CEBPZ: variants seen among roughly 807,000 people sequenced by gnomAD.
The protein encoded by CEBPZ is CCAAT/enhancer-binding protein zeta.
In CEBPZ, 78 loss-of-function variants were observed where a neutral mutation model predicts 104.5. The observed-to-expected ratio is 0.75, with a 90% CI of 0.62 to 0.90. The LOEUF (loss-of-function observed/expected upper bound fraction) is 0.90. Among genes scored for constraint, CEBPZ ranks in the 40% least tolerant of loss-of-function variants. The probability of loss-of-function intolerance (pLI) is 0.00; values close to 1 mark genes in which losing one functional copy is unlikely to be tolerated. For synonymous variants in CEBPZ, 470 were observed against 427.0 expected, an observed-to-expected ratio of 1.10 and a Z score of -1.24; for missense variants, 1,439 against 1,233.5, an observed-to-expected ratio of 1.17 and a Z score of -2.50.
intron 5 of CEBPZ, among the ~76,000 whole-genome samples, chr2:37,218,050 G>C (rs1322521960): frequency 6.6e-6 from 1 of 151,450 alleles, no homozygotes; most frequent in African/African-American, 2.4e-5. Flanking sequence ...GGCGGATCAC[G>C]AGGTCAGGAG....
In CEBPZ at chr2:37,213,865, A is replaced by G. The variant is rs775048294; in HGVS notation, c.2544T>C (p.Ile848=). 25 of 1,596,810 alleles carry G rather than the reference A, an allele frequency of 1.6e-5. No individual in the cohort carries two copies. Among genetic ancestry groups the G allele is most frequent in the African/African-American group, 4.0e-5 (3 of 74,240 alleles). ...CAAAGAGTCAACAAAACAAATTACC[A>G]ATCAGCTCTTCAAATTCTTCATCAT... ...DVDDEEFEEL[I]DTFEDDNCFS... The change falls in exon 10 of 16, where the codon ATT becomes ATC. Residue 848 remains isoleucine, a splice_region_variant and synonymous_variant. Coordinates refer to ENST00000234170, the MANE Select transcript of CEBPZ (RefSeq NM_005760.3).
chr2:37,218,890 TTG>T (rs1340979682), intron 5 of CEBPZ, among the ~76,000 whole-genome samples: 2 of 152,170 alleles, frequency 1.3e-5, no homozygotes, highest in Non-Finnish European at 2.9e-5. Flanking sequence ...ATTTGTAACA[TTG>T]TGCATTGGTC....
chr2:37,225,980 C>T (rs1438039076), intron 2 of CEBPZ, among the ~76,000 whole-genome samples: 2 of 139,170 alleles, frequency 1.4e-5, no homozygotes, highest in African/African-American at 5.4e-5. Context: ...TCTAAAAGCA[C>T]AGCACTTAAT....
In CEBPZ at chr2:37,201,830, C is replaced by G. The variant is rs1303991486; in HGVS notation, c.3099G>C (p.Lys1033Asn). 1.1e-5 allele frequency: 18 copies of G among 1,607,882 alleles called. No homozygotes were observed. The highest frequency in any genetic ancestry group is 1.5e-5 in the Non-Finnish European group (18 of 1,174,564). The change falls in exon 16 of 16, where the codon AAG (lysine) becomes AAC (asparagine). Residue 1033 changes from lysine to asparagine, a missense_variant. Physicochemically the swap from Lys to Asn is moderately conservative, Grantham distance 94. Coordinates refer to ENST00000234170, the MANE Select transcript of CEBPZ (RefSeq NM_005760.3). ...LHNRDAKSII[K>N]KKKHFKKKRI... ...TCTTCTTTTTAAAATGTTTCTTTTTCTTGATGATACTTTTTGCATCTCTGT... is the reference window on the plus strand; with the variant it reads ...TCTTCTTTTTAAAATGTTTCTTTTTGTTGATGATACTTTTTGCATCTCTGT...
chr2:37,217,065 A>T (rs111939746), intron 5 of CEBPZ, 28 bp from the exon 6 acceptor site: 21 of 1,583,202 alleles, frequency 1.3e-5, no homozygotes, highest in Admixed American at 3.3e-5. Context: ...AATAATATCA[A>T]TATTTCTAAG....
chr2:37,224,677 G>A (rs1558477043), intron 2 of CEBPZ, among the ~76,000 whole-genome samples: 1 of 152,098 alleles, frequency 6.6e-6, no homozygotes, highest in African/African-American at 2.4e-5. Context: ...TTAGAGACAT[G>A]TCTCTATCAT....
intron 4 of CEBPZ, among the ~76,000 whole-genome samples, chr2:37,221,021 T>C (rs1393771964): frequency 6.6e-6 from 1 of 151,984 alleles, no homozygotes; most frequent in Non-Finnish European, 1.5e-5. Context: ...AAAAGCTCCC[T>C]TCAAAACTTC....
intron 13 of CEBPZ, among the ~76,000 whole-genome samples, chr2:37,207,200 T>G (rs776040134): frequency 6.6e-6 from 1 of 152,152 alleles, no homozygotes; most frequent in Non-Finnish European, 1.5e-5. Flanking sequence ...AACACAATAA[T>G]AGTGGGTGAC....
Position 37,229,883 on chromosome 2 carries a change from G to A in CEBPZ, c.157-847C>T, listed in dbSNP as rs145538135. Among the ~76,000 whole-genome samples, 51 of 152,018 alleles carry A rather than the reference G, an allele frequency of 3.4e-4. 1 individual carries two copies. In the East Asian group the frequency reaches 8.7e-3, roughly 26 times the overall value. ...TAAAAAAAAAATTTTTTTTTGAGAT[G>A]AGGTCTCCTTATGTTGCCCAGGCTG... On this transcript the variant is annotated intron_variant, in intron 1 of 15. Transcript: ENST00000234170.
At chr2:37,231,204 G>A (rs1400183062) in intron 1 of CEBPZ, 62 of 727,166 alleles carry the variant, frequency 8.5e-5, no homozygotes, top group Non-Finnish European at 1.5e-4. Context: ...AGAATAGCCA[G>A]AGAATACAAC....
Position 37,228,094 on chromosome 2 carries a change from T to A in CEBPZ, c.1099A>T (p.Thr367Ser), listed in dbSNP as rs775606349. ...TTACAAAGCAGCTCATGAGCCACGGTAAGGGCTCGAGTTTTAGTGGTTACT... is the reference window on the plus strand; with the variant it reads ...TTACAAAGCAGCTCATGAGCCACGGAAAGGGCTCGAGTTTTAGTGGTTACT... ...TLVTTKTRALTVAHELLCNKP... is the reference protein window; with the variant it reads ...TLVTTKTRALSVAHELLCNKP... The change falls in exon 2 of 16, where the codon ACC becomes TCC. Residue 367 changes from threonine (T) to serine (S), a missense_variant. Transcript: ENST00000234170. The A allele has an allele frequency of 6.2e-7, 1 of 1,614,248 alleles. No individual in the cohort carries two copies. Among genetic ancestry groups the A allele is most frequent in the African/African-American group, 1.3e-5 (1 of 75,060 alleles).
At chr2:37,219,824 A>G (rs1212458481) in intron 5 of CEBPZ, among the ~76,000 whole-genome samples, 3 of 152,162 alleles carry the variant, frequency 2.0e-5, no homozygotes, top group Non-Finnish European at 4.4e-5. Context: ...TCTCAACTCT[A>G]TATGCAATAA....
intron 5 of CEBPZ, among the ~76,000 whole-genome samples, chr2:37,219,745 T>C (rs1664722602): frequency 6.6e-6 from 1 of 152,222 alleles, no homozygotes; most frequent in Admixed American, 6.5e-5. Context: ...AAAGTAACTT[T>C]ACTTGCAAAA....
rs368054464 is a variant in CEBPZ at position 37,213,955 on chromosome 2, A to G, written c.2454T>C (p.Tyr818=). Reference sequence around the variant, plus strand: ...GTTTCTCTTTAACAGCAACTTTTTTATAATACCTATAATATTCATGTTATA... The same window carrying G: ...GTTTCTCTTTAACAGCAACTTTTTTGTAATACCTATAATATTCATGTTATA... The part of the protein sequence containing the change: ...PVDEVFFHRY[Y]KKVAVKEKQK... The change falls in exon 10 of 16, where the codon TAT becomes TAC. Residue 818 remains tyrosine, a synonymous_variant. Transcript: ENST00000234170. 4 of 1,488,986 alleles carry G rather than the reference A, an allele frequency of 2.7e-6. No homozygotes were observed. Among genetic ancestry groups the G allele is most frequent in the East Asian group, 2.3e-5 (1 of 42,752 alleles). 92.2% of individuals were successfully genotyped at this position (1,488,986 alleles called of 1,614,324 possible). A position where few individuals can be genotyped will look rare whatever the true frequency, so the allele number is the denominator to read the frequency against.
intron 15 of CEBPZ, chr2:37,202,210 A>G (rs1411780231): frequency 5.1e-6 from 1 of 196,812 alleles, no homozygotes; most frequent in African/African-American, 2.3e-5. Flanking sequence ...CCACTTCCCT[A>G]AAAAAAAGTA....
chr2:37,216,207 T>C lies in CEBPZ; in HGVS notation c.2313A>G (p.Glu771=), dbSNP rs1414100598. ...GCTGCATCACAACACTATCTGTGTT[T>C]TCTGAAATGTAAAATTATGACAGTA... is the stretch of plus-strand genomic sequence containing the variant. The part of the protein sequence containing the change: ...YRNPKPHKGK[E]NTDSVVMQPK... Residue 771 remains glutamate, a splice_region_variant and synonymous_variant, in exon 8 of 16, where the codon GAA becomes GAG. Transcript: ENST00000234170. 2.5e-6 allele frequency: 4 copies of C among 1,612,118 alleles called. No individual in the cohort carries two copies. The highest frequency in any genetic ancestry group is 1.3e-5 in the African/African-American group (1 of 74,986).
At chr2:37,204,009 T>C (rs1390782238) in intron 13 of CEBPZ, 1 of 152,250 alleles carries the variant, frequency 6.6e-6, no homozygotes, top group East Asian at 1.9e-4. Context: ...CAAGTCTTTG[T>C]ATCAGAGCCA....
intron 13 of CEBPZ, among the ~76,000 whole-genome samples, chr2:37,208,410 A>ACCAACT (rs1677609720): frequency 6.6e-6 from 1 of 152,196 alleles, no homozygotes; most frequent in Admixed American, 6.5e-5. Context: ...ATACTAGCTA[A>ACCAACT]CCAACTCCAA....
At chr2:37,201,992 C>G (rs1408666032) in intron 15 of CEBPZ, 89 bp from the exon 16 acceptor site, 26 of 1,290,540 alleles carry the variant, frequency 2.0e-5, no homozygotes, top group Non-Finnish European at 2.3e-5. Flanking sequence ...ACAGGAACTT[C>G]TAGCCTGCCT....
Sources: allele counts gnomAD v4.1 joint callset (sites outside exome capture counted in the v4.1 genomes callset), GRCh38; gene constraint gnomAD v4.1.1; transcripts MANE v1.5; gene names NCBI Gene and HGNC (gene_info 2026-07-23, HGNC 2026-07-21).